The following ZNF138 variants were observed in gnomAD, a reference collection of about 807,000 sequenced individuals.
ZNF138 encodes zinc finger protein 138.
ZNF138 carries 33 observed loss-of-function variants against 33.0 expected under a neutral mutation model. That is an observed-to-expected ratio of 1.00 (90% CI 0.76 to 1.34). The LOEUF is 1.34. Among genes scored for constraint, ZNF138 ranks in the 40% most tolerant of loss-of-function variants. The pLI, the probability that ZNF138 is intolerant of heterozygous loss-of-function variation, is 0.00. For missense variants in ZNF138, 360 were observed against 370.8 expected (o/e 0.97, Z 0.24); for synonymous variants, 139 against 120.4 (o/e 1.15, Z -1.01).
At chr7:64,802,551 T>TA (rs1165105105) in intron 1 of ZNF138, among the ~76,000 whole-genome samples, 3 of 152,114 alleles carry the variant, frequency 2.0e-5, no homozygotes, top group African/African-American at 7.2e-5. Flanking sequence ...CTCATAATGT[T>TA]ACGCCAGAGT....
intron 3 of ZNF138, among the ~76,000 whole-genome samples, chr7:64,819,907 A>T (rs1357011263): frequency 6.3e-5 from 9 of 143,364 alleles, no homozygotes; most frequent in South Asian, 2.2e-4. Flanking sequence ...TCAACTACAA[A>T]TTTTTTTTTT....
the ZNF138 span, among the ~76,000 whole-genome samples, chr7:64,847,332 A>ATATATATATATATATAT: frequency 1.6e-5 from 2 of 128,130 alleles, no homozygotes; most frequent in African/African-American, 5.9e-5. Flanking sequence ...ATATATATAT[A>ATATATATATATATATAT]TTTTTTTTTT....
intron 1 of ZNF138, among the ~76,000 whole-genome samples, chr7:64,797,699 T>C (rs1440591529): frequency 6.6e-6 from 1 of 152,172 alleles, no homozygotes; most frequent in Non-Finnish European, 1.5e-5. Context: ...AGGGTCATAC[T>C]CAGGATGAAG....
the ZNF138 span, among the ~76,000 whole-genome samples, chr7:64,860,389 A>G: frequency 6.6e-6 from 1 of 152,196 alleles, no homozygotes; most frequent in Non-Finnish European, 1.5e-5. Context: ...CTCCTAAGTG[A>G]AACGTGGTAC....
At chr7:64,808,586 T>TCC (rs10624551) in intron 1 of ZNF138, among the ~76,000 whole-genome samples, 6 of 18,996 alleles carry the variant, frequency 3.2e-4, no homozygotes, top group South Asian at 4.0e-3. Flanking sequence ...TTCTGTTTCT[T>TCC]TTTTTTTTAA....
At chr7:64,817,465 G>A (rs1390369203) in intron 3 of ZNF138, among the ~76,000 whole-genome samples, 1 of 152,014 alleles carries the variant, frequency 6.6e-6, no homozygotes, top group Non-Finnish European at 1.5e-5. Flanking sequence ...CTCCATCTGG[G>A]GTTTAGCAGT....
intron 1 of ZNF138, among the ~76,000 whole-genome samples, chr7:64,813,415 C>G (rs1194157371): frequency 2.7e-5 from 4 of 147,936 alleles, no homozygotes; most frequent in African/African-American, 1.0e-4. Context: ...TTACCTGTAT[C>G]TTAAAGTTTG....
At chr7:64,810,051 A>G (rs78398245) in intron 1 of ZNF138, among the ~76,000 whole-genome samples, 65,882 of 67,472 alleles carry the variant, frequency 0.98, 32,272 homozygotes, top group East Asian at 1. Flanking sequence ...CTTCCCAGAC[A>G]GGGTGGCGGC....
intron 3 of ZNF138, among the ~76,000 whole-genome samples, chr7:64,823,131 C>T (rs549139716): frequency 5.0e-4 from 76 of 152,232 alleles, no homozygotes; most frequent in African/African-American, 1.7e-3. Context: ...CCGCCCACCT[C>T]GGCCTCCCAA....
At chr7:64,837,000 C>T (rs1051269435), downstream of ZNF138, 3 of 152,222 alleles carry the variant, frequency 2.0e-5, no homozygotes, top group African/African-American at 7.2e-5. Context: ...CACACCAGTT[C>T]GTCTATATAG....
intron 1 of ZNF138, among the ~76,000 whole-genome samples, chr7:64,804,254 A>T (rs919985155): frequency 2.6e-5 from 4 of 152,156 alleles, no homozygotes; most frequent in African/African-American, 9.7e-5. Flanking sequence ...TAGATCACAG[A>T]CATTGTATAG....
chr7:64,813,384 T>C (rs1788334340), intron 1 of ZNF138, among the ~76,000 whole-genome samples: 2 of 151,952 alleles, frequency 1.3e-5, no homozygotes, highest in South Asian at 2.1e-4. Context: ...AAAATCACTA[T>C]TAGAAATTAC....
chr7:64,858,799 CT>C, the ZNF138 span, among the ~76,000 whole-genome samples: 1 of 152,106 alleles, frequency 6.6e-6, no homozygotes, highest in Non-Finnish European at 1.5e-5. Context: ...GTTCAATAAG[CT>C]TTTTGCAAAT....
the ZNF138 span, chr7:64,853,153 C>T: frequency 2.7e-6 from 4 of 1,473,614 alleles, no homozygotes; most frequent in East Asian, 2.3e-5. Context: ...TGACAAGTAT[C>T]CATTCCAATG....
intron 3 of ZNF138, among the ~76,000 whole-genome samples, chr7:64,827,639 TA>T (rs745313222): frequency 6.6e-6 from 1 of 151,842 alleles, no homozygotes; most frequent in Non-Finnish European, 1.5e-5. Context: ...TATTATTAGT[TA>T]GATTTTTTTT....
chr7:64,810,570 T>TATGCTTA, intron 1 of ZNF138, among the ~76,000 whole-genome samples: 1 of 152,114 alleles, frequency 6.6e-6, no homozygotes, highest in Non-Finnish European at 1.5e-5. Context: ...AAATTGCTTA[T>TATGCTTA]TAGTATATGT....
intron 1 of ZNF138, among the ~76,000 whole-genome samples, chr7:64,803,855 G>A (rs183329000): frequency 1.3e-5 from 2 of 152,184 alleles, no homozygotes; most frequent in African/African-American, 4.8e-5. Context: ...GTATAACATG[G>A]TTACTAATTT....
At chr7:64,834,185 T>C (rs1790299790), downstream of ZNF138, among the ~76,000 whole-genome samples, 1 of 152,236 alleles carries the variant, frequency 6.6e-6, no homozygotes, top group Non-Finnish European at 1.5e-5. Context: ...TCAGGGAATT[T>C]ATATCGGAGA....
chr7:64,828,455 A>G (rs1237260627), intron 3 of ZNF138, among the ~76,000 whole-genome samples: 1 of 151,958 alleles, frequency 6.6e-6, no homozygotes, highest in Non-Finnish European at 1.5e-5. Context: ...GGCCCATTTC[A>G]TTTTGCATGT....
Sources: allele counts gnomAD v4.1 joint callset (sites outside exome capture counted in the v4.1 genomes callset), GRCh38; gene constraint gnomAD v4.1.1; transcripts MANE v1.5; gene names NCBI Gene and HGNC (gene_info 2026-07-23, HGNC 2026-07-21).